Variants in CADM1 observed in about 807,000 individuals in gnomAD.
CADM1 encodes cell adhesion molecule 1.
In CADM1, 15 loss-of-function variants were observed where a neutral mutation model predicts 53.1. The observed-to-expected ratio is 0.28, with a 90% confidence interval of 0.19 to 0.44. CADM1 has a LOEUF of 0.44. Ranked by LOEUF, CADM1 falls within the 20% of genes least tolerant of loss-of-function variation. The pLI is 1.00. For synonymous variants in CADM1, 281 were observed against 243.0 expected (o/e 1.16, Z -1.45); for missense variants, 434 against 611.3 (o/e 0.71, Z 3.06).
intron 1 of CADM1, among the ~76,000 whole-genome samples, chr11:115,461,875 G>C (rs1948802884): frequency 6.6e-6 from 1 of 151,906 alleles, no homozygotes; most frequent in African/African-American, 2.4e-5. Flanking sequence ...TGCAGTTCAG[G>C]AATTTAAAAA....
chr11:115,237,992 A>AT (rs1003798203), intron 3 of CADM1, among the ~76,000 whole-genome samples: 22 of 152,150 alleles, frequency 1.4e-4, no homozygotes, highest in East Asian at 1.9e-4. Flanking sequence ...ATGGAGTATG[A>AT]TTTTTTTACA....
At chr11:115,478,577 C>G (rs1949187898) in intron 1 of CADM1, among the ~76,000 whole-genome samples, 1 of 152,078 alleles carries the variant, frequency 6.6e-6, no homozygotes, top group South Asian at 2.1e-4. Context: ...TTCTCTCTTT[C>G]TCTAATTACC....
chr11:115,196,745 A>G (rs1940177499), intron 9 of CADM1, among the ~76,000 whole-genome samples: 1 of 152,148 alleles, frequency 6.6e-6, no homozygotes. Flanking sequence ...TTTACCTTGT[A>G]GTTAATTACA....
chr11:115,504,370 C>T lies in CADM1; in HGVS notation c.25G>A (p.Gly9Arg), dbSNP rs1345438126. 6.5e-7 allele frequency: 1 copy of T among 1,547,710 alleles called. No homozygotes were observed. Among genetic ancestry groups the T allele is most frequent in the Non-Finnish European group, 8.7e-7 (1 of 1,146,236 alleles). The change falls in exon 1 of 12, where the codon GGA becomes AGA. Residue 9 changes from glycine (G) to arginine (R), a missense_variant. Transcript: ENST00000331581. ...GCCGCTGCCGCCGCACACTGGGATC[C>T]GCTCGGCAGCACTACACTCGCCATG... MASVVLPS[G>R]SQCAAAAAAA...
intron 1 of CADM1, among the ~76,000 whole-genome samples, chr11:115,393,720 G>C (rs1946907352): frequency 6.6e-6 from 1 of 151,978 alleles, no homozygotes; most frequent in African/African-American, 2.4e-5. Flanking sequence ...AATTTGACAA[G>C]GGATCTTTTC....
At chr11:115,374,675 C>A (rs929101191) in intron 1 of CADM1, among the ~76,000 whole-genome samples, 14 of 151,970 alleles carry the variant, frequency 9.2e-5, no homozygotes, top group African/African-American at 3.1e-4. Flanking sequence ...AAAAGTAAGC[C>A]TGAATCTCAT....
chr11:115,256,795 A>T (rs1408172565), intron 1 of CADM1: 2 of 455,926 alleles, frequency 4.4e-6, no homozygotes, highest in Admixed American at 4.7e-5. Context: ...TCCTCTAAAA[A>T]GTTTGTTCTT....
At chr11:115,415,151 C>G (rs1280776066) in intron 1 of CADM1, among the ~76,000 whole-genome samples, 3 of 152,178 alleles carry the variant, frequency 2.0e-5, no homozygotes, top group African/African-American at 7.2e-5. Context: ...AATCTCTTAA[C>G]CTCTGACAGT....
At chr11:115,431,427 G>A (rs1948047613) in intron 1 of CADM1, among the ~76,000 whole-genome samples, 1 of 152,060 alleles carries the variant, frequency 6.6e-6, no homozygotes, top group African/African-American at 2.4e-5. Flanking sequence ...CCAGACAGTA[G>A]TTCTTTGTAC....
intron 1 of CADM1, among the ~76,000 whole-genome samples, chr11:115,477,537 A>G (rs1260064345): frequency 1.3e-5 from 2 of 152,214 alleles, no homozygotes; most frequent in Admixed American, 1.3e-4. Flanking sequence ...CCTAAAGTCT[A>G]CCTCACTTTG....
chr11:115,412,580 A>G (rs1238508395), intron 1 of CADM1, among the ~76,000 whole-genome samples: 2 of 152,222 alleles, frequency 1.3e-5, no homozygotes, highest in African/African-American at 4.8e-5. Flanking sequence ...CAATTCTAAA[A>G]TAAGGAACTT....
At chr11:115,253,105 C>T (rs1942659386) in intron 1 of CADM1, among the ~76,000 whole-genome samples, 1 of 152,184 alleles carries the variant, frequency 6.6e-6, no homozygotes, top group Admixed American at 6.5e-5. Flanking sequence ...ACAAACAACA[C>T]ACACACACAT....
intron 1 of CADM1, among the ~76,000 whole-genome samples, chr11:115,418,638 C>T (rs565330448): frequency 3.9e-5 from 6 of 152,200 alleles, no homozygotes; most frequent in African/African-American, 1.4e-4. Flanking sequence ...ATATTAATGT[C>T]AAAGAGCCTA....
intron 1 of CADM1, among the ~76,000 whole-genome samples, chr11:115,448,559 A>G (rs997402768): frequency 6.8e-6 from 1 of 146,410 alleles, no homozygotes; most frequent in African/African-American, 2.5e-5. Context: ...AGTAGTAACC[A>G]TTTTTTCTCA....
intron 1 of CADM1, among the ~76,000 whole-genome samples, chr11:115,460,780 AAAG>A: frequency 6.7e-6 from 1 of 148,438 alleles, no homozygotes; most frequent in Admixed American, 6.7e-5. Context: ...CACTAGAAAG[AAAG>A]AAAAAAAAAA....
intron 3 of CADM1, among the ~76,000 whole-genome samples, chr11:115,233,379 G>A (rs1432183565): frequency 6.6e-6 from 1 of 152,126 alleles, no homozygotes; most frequent in Non-Finnish European, 1.5e-5. Context: ...GACACAGAAA[G>A]GCTTTAACAA....
At chr11:115,358,893 T>A (rs936268529) in intron 1 of CADM1, among the ~76,000 whole-genome samples, 1 of 152,192 alleles carries the variant, frequency 6.6e-6, no homozygotes, top group Non-Finnish European at 1.5e-5. Flanking sequence ...ATTTCCCTTA[T>A]CATTCACTGC....
intron 1 of CADM1, among the ~76,000 whole-genome samples, chr11:115,417,427 C>A (rs1947628564): frequency 6.6e-6 from 1 of 152,132 alleles, no homozygotes; most frequent in South Asian, 2.1e-4. Context: ...CCGGATATAC[C>A]AAACTCCATA....
In CADM1 at chr11:115,393,514, A is replaced by C. The variant is rs143768062; in HGVS notation, c.124+110757T>G. ...TAATCAAACAGAAGAATGAAGTCTT[A>C]GTAAATAAAGTATTAGAAAAAAGAG... is the stretch of plus-strand genomic sequence containing the variant. On this transcript the variant is annotated intron_variant, in intron 1 of 11. Coordinates refer to ENST00000331581, the MANE Select transcript of CADM1 (RefSeq NM_001301043.2). 5.7e-3 allele frequency among the ~76,000 whole-genome samples: 867 copies of C among 151,756 alleles called. 5 individuals carry two copies. The highest frequency in any genetic ancestry group is 0.034 in the Middle Eastern group (10 of 292).
Sources: gnomAD v4.1 joint callset for allele counts (sites outside exome capture counted in the v4.1 genomes callset) on GRCh38, gnomAD v4.1.1 for gene constraint, MANE v1.5 for transcripts, NCBI Gene and HGNC (gene_info 2026-07-23, HGNC 2026-07-21) for gene names.